SLC7A7: variants seen among roughly 807,000 people sequenced by gnomAD.
SLC7A7 encodes the protein solute carrier family 7 member 7.
Under a neutral mutation model 47.9 loss-of-function variants are expected in SLC7A7, and 39 were observed. That is an observed-to-expected ratio of 0.81 (90% CI 0.63 to 1.06). SLC7A7 has a LOEUF of 1.06. SLC7A7 is among the 50% of genes least tolerant of loss of function. The pLI is 0.00. For synonymous variants in SLC7A7, 234 were observed against 242.8 expected (o/e 0.96, Z 0.34); for missense variants, 588 against 632.0 (o/e 0.93, Z 0.75).
At chr14:22,788,885 T>G (rs1306329308) in intron 2 of SLC7A7, among the ~76,000 whole-genome samples, 3 of 151,798 alleles carry the variant, frequency 2.0e-5, no homozygotes, top group African/African-American at 7.3e-5. Context: ...TTGTGTGGGG[T>G]GGAGAGGCAG....
In SLC7A7 at chr14:22,813,118, C is replaced by G; in HGVS notation, c.281G>C (p.Gly94Ala). ...VFGALCYAEL[G>A]TTIKKSGASY... ...GGCCCCAGATTTCTTAATGGTGGTG[C>G]CCAGTTCCGCATAACAAAGGGCCCC... Residue 94 changes from glycine to alanine, a missense_variant, in exon 2 of 10, where the codon GGC becomes GCC. Coordinates refer to ENST00000674313, the MANE Select transcript of SLC7A7 (RefSeq NM_003982.4). The G allele has an allele frequency of 6.2e-7, 1 of 1,614,026 alleles. No individual in the cohort carries two copies. The highest frequency in any genetic ancestry group is 8.5e-7 in the Non-Finnish European group (1 of 1,180,016).
rs771247434 is a variant in SLC7A7, at chr14:22,774,494, C to T, written c.1105G>A (p.Ala369Thr). 5 of 1,614,122 alleles carry T rather than the reference C, an allele frequency of 3.1e-6. No homozygotes were observed. The highest frequency in any genetic ancestry group is 4.2e-6 in the Non-Finnish European group (5 of 1,180,018). ...TCTTCCACGCACAAGTAGATCAATG[C>T]CATGATACCCTGTAAGCGTGAGCCT... ...VPSLLFNGIM[A>T]LIYLCVEDIF... The change falls in exon 8 of 10, where the codon GCA (alanine) becomes ACA (threonine). Residue 369 changes from alanine (A) to threonine (T), a missense_variant. Ala to Thr is a moderately conservative substitution (Grantham distance 58). Transcript: ENST00000674313.
chr14:22,801,183 C>T (rs907824981), intron 2 of SLC7A7, among the ~76,000 whole-genome samples: 1 of 152,102 alleles, frequency 6.6e-6, no homozygotes, highest in Non-Finnish European at 1.5e-5. Context: ...CTTTGAACAA[C>T]CTATGCCTTG....
chr14:22,787,941 C>T (rs185334627), intron 2 of SLC7A7, among the ~76,000 whole-genome samples: 2,654 of 151,190 alleles, frequency 0.018, 27 homozygotes, highest in Middle Eastern at 0.037. Context: ...GGCGTGGTGG[C>T]GGGTGCCTGT....
At chr14:22,783,968 C>T (rs528991449) in intron 2 of SLC7A7, among the ~76,000 whole-genome samples, 1 of 152,176 alleles carries the variant, frequency 6.6e-6, no homozygotes, top group Non-Finnish European at 1.5e-5. Context: ...ACTGTGGGAG[C>T]AGGAAATGGG....
intron 2 of SLC7A7, among the ~76,000 whole-genome samples, chr14:22,805,209 T>C (rs1353339521): frequency 6.6e-6 from 1 of 151,926 alleles, no homozygotes; most frequent in Non-Finnish European, 1.5e-5. Flanking sequence ...CTACTAAAAA[T>C]ACAAAAATTA....
At chr14:22,818,257 G>A (rs2039432335), upstream of SLC7A7, among the ~76,000 whole-genome samples, 1 of 149,254 alleles carries the variant, frequency 6.7e-6, no homozygotes, top group South Asian at 2.1e-4. Flanking sequence ...GAAATCTGCT[G>A]GGGGTAAAAC....
intron 2 of SLC7A7, among the ~76,000 whole-genome samples, chr14:22,809,671 C>T (rs2039271037): frequency 6.6e-6 from 1 of 151,944 alleles, no homozygotes; most frequent in Non-Finnish European, 1.5e-5. Context: ...GAGGGGGTTT[C>T]ACGATCCGCC....
chr14:22,782,172 G>A (rs1009126503), intron 2 of SLC7A7, among the ~76,000 whole-genome samples: 13 of 151,762 alleles, frequency 8.6e-5, no homozygotes, highest in African/African-American at 2.4e-4. Flanking sequence ...GCGTGGTCTC[G>A]GCTCATGGCA....
intron 5 of SLC7A7, 115 bp from the exon 6 acceptor site, chr14:22,776,051 G>A: frequency 7.0e-7 from 1 of 1,428,786 alleles, no homozygotes. Flanking sequence ...CCACAGTGGG[G>A]TTAACAGGAC....
chr14:22,792,867 A>AAGAAAGAGAGAGAG (rs1555323603), intron 2 of SLC7A7, among the ~76,000 whole-genome samples: 1 of 122,466 alleles, frequency 8.2e-6, no homozygotes, highest in Non-Finnish European at 1.6e-5. Context: ...CAAAGAAAGA[A>AAGAAAGAGAGAGAG]AGAGAGAGAG....
At chr14:22,815,716 G>C (rs1206289896), upstream of SLC7A7, 2 of 452,494 alleles carry the variant, frequency 4.4e-6, no homozygotes, top group Non-Finnish European at 8.9e-6. Flanking sequence ...TGTAGCCCTG[G>C]GGAAGCTGTC....
intron 2 of SLC7A7, among the ~76,000 whole-genome samples, chr14:22,786,266 C>T (rs973693421): frequency 6.6e-6 from 1 of 151,892 alleles, no homozygotes; most frequent in Non-Finnish European, 1.5e-5. Flanking sequence ...TGCAGTGGGC[C>T]GAGATCACGG....
At chr14:22,795,416 TTC>T (rs1425037661) in intron 2 of SLC7A7, among the ~76,000 whole-genome samples, 1 of 141,842 alleles carries the variant, frequency 7.1e-6, no homozygotes, top group Non-Finnish European at 1.5e-5. Context: ...CTTTCTTTCT[TTC>T]TTTCTTTCTT....
Position 22,775,591 on chromosome 14 carries a change from G to A in SLC7A7, c.999-51C>T, listed in dbSNP as rs748058328. 5.4e-6 allele frequency: 8 copies of A among 1,489,504 alleles called. No individual in the cohort carries two copies. In the South Asian group the frequency reaches 9.0e-5, roughly 17 times the overall value. 92.3% of individuals were successfully genotyped at this position (1,489,504 alleles called of 1,614,324 possible). A position where few individuals can be genotyped will look rare whatever the true frequency, so the allele number is the denominator to read the frequency against. On this transcript the variant is annotated intron_variant, in intron 6 of 9. Transcript: ENST00000674313. ...TGAGAAAATTGGTGGACACGGTGCA[G>A]CCTGGTTCACCTGCCACATGGCCCT...
chr14:22,774,197 A>C, intron 8 of SLC7A7, 81 bp from the exon 9 acceptor site: 1 of 1,584,486 alleles, frequency 6.3e-7, no homozygotes, highest in Non-Finnish European at 8.7e-7. Context: ...CATAAGGATT[A>C]GCGCACTGAG....
At chr14:22,792,069 C>T (rs1324947312) in intron 2 of SLC7A7, among the ~76,000 whole-genome samples, 1 of 151,966 alleles carries the variant, frequency 6.6e-6, no homozygotes, top group Non-Finnish European at 1.5e-5. Context: ...TTTCCTGACC[C>T]CGTGATCCAC....
intron 2 of SLC7A7, among the ~76,000 whole-genome samples, chr14:22,795,045 G>C (rs1396774678): frequency 6.6e-6 from 1 of 151,316 alleles, no homozygotes. Flanking sequence ...TAGTCAGGGA[G>C]TGGGAGTGAT....
At chr14:22,795,419 TTTC>T (rs2039001268) in intron 2 of SLC7A7, among the ~76,000 whole-genome samples, 2 of 146,766 alleles carry the variant, frequency 1.4e-5, no homozygotes, top group Admixed American at 7.0e-5. Flanking sequence ...TCTTTCTTTC[TTTC>T]TTTCTTTCTT....
Sources: allele counts gnomAD v4.1 joint callset (sites outside exome capture counted in the v4.1 genomes callset), GRCh38; gene constraint gnomAD v4.1.1; transcripts MANE v1.5; gene names NCBI Gene and HGNC (gene_info 2026-07-23, HGNC 2026-07-21).